The following TBC1D32 variants were observed in gnomAD, a reference collection of about 807,000 sequenced individuals.
TBC1D32 encodes TBC1 domain family member 32.
Under a neutral mutation model 170.3 loss-of-function variants are expected in TBC1D32, and 151 were observed. The ratio of observed to expected loss-of-function variants is 0.89; its 90% confidence interval spans 0.78 to 1.01. The LOEUF (loss-of-function observed/expected upper bound fraction) is 1.01, where lower values mean the gene tolerates loss of function less well. Ranked by LOEUF, TBC1D32 falls within the 50% of genes least tolerant of loss-of-function variation. The pLI is 0.00. For synonymous variants in TBC1D32, 498 were observed against 488.0 expected (o/e 1.02, Z -0.27); for missense variants, 1,464 against 1,457.1 (o/e 1.00, Z -0.08).
chr6:121,272,437 A>G (rs1236064908), intron 15 of TBC1D32, among the ~76,000 whole-genome samples: 2 of 152,210 alleles, frequency 1.3e-5, no homozygotes, highest in African/African-American at 4.8e-5. Context: ...CCCCATCAAA[A>G]AGAGGGCAAA....
intron 9 of TBC1D32, among the ~76,000 whole-genome samples, chr6:121,301,015 G>T (rs1806385397): frequency 6.6e-6 from 1 of 152,142 alleles, no homozygotes; most frequent in Non-Finnish European, 1.5e-5. Flanking sequence ...AGTTAGAATG[G>T]TGATCATTAA....
intron 17 of TBC1D32, among the ~76,000 whole-genome samples, chr6:121,249,260 C>G (rs1486907166): frequency 6.6e-6 from 1 of 151,530 alleles, no homozygotes; most frequent in Admixed American, 6.6e-5. Context: ...GTGATAAAAT[C>G]TAGCACCCCT....
chr6:121,088,310 A>G (rs760578690), intron 31 of TBC1D32, among the ~76,000 whole-genome samples: 1 of 152,152 alleles, frequency 6.6e-6, no homozygotes, highest in Admixed American at 6.5e-5. Flanking sequence ...TGAGATTTTG[A>G]ATAGGAAAGT....
intron 15 of TBC1D32, among the ~76,000 whole-genome samples, chr6:121,277,973 T>C (rs1237256931): frequency 2.0e-5 from 3 of 151,914 alleles, no homozygotes; most frequent in Non-Finnish European, 4.4e-5. Context: ...TAAGGAAATA[T>C]TATGAACAAT....
At chr6:121,328,314 C>A (rs999750202) in intron 1 of TBC1D32, among the ~76,000 whole-genome samples, 3 of 151,694 alleles carry the variant, frequency 2.0e-5, no homozygotes, top group African/African-American at 7.3e-5. Flanking sequence ...GTGACGGAGT[C>A]TCGCTCTGTC....
chr6:121,302,944 C>T (rs2128477459), intron 9 of TBC1D32, among the ~76,000 whole-genome samples: 1 of 152,196 alleles, frequency 6.6e-6, no homozygotes, highest in South Asian at 2.1e-4. Flanking sequence ...ATGCCCCAAC[C>T]CCTCTCTTCT....
chr6:121,303,605 AT>A lies in TBC1D32; in HGVS notation c.1080+11del. The A allele has an allele frequency of 2.0e-6, 3 of 1,525,760 alleles. No homozygotes were observed. Among genetic ancestry groups the A allele is most frequent in the Non-Finnish European group, 2.7e-6 (3 of 1,126,480 alleles). 94.5% of individuals were successfully genotyped at this position (1,525,760 alleles called of 1,614,324 possible). Reference sequence around the variant, plus strand: ...GCACTAAAAGGTATAAAAATATTCTATTTTTCCTTACCATCCACTTTTTGAA... The same window carrying A: ...GCACTAAAAGGTATAAAAATATTCTATTTTCCTTACCATCCACTTTTTGAA... On this transcript the variant is annotated intron_variant, in intron 9 of 31. Transcript: ENST00000398212.
Position 121,161,005 on chromosome 6 carries a change from T to C in TBC1D32, c.2622A>G (p.Arg874=). 6.2e-7 allele frequency: 1 copy of C among 1,613,876 alleles called. No individual in the cohort carries two copies. The highest frequency in any genetic ancestry group is 8.5e-7 in the Non-Finnish European group (1 of 1,179,950). ...CCAATGGCCCACCAACAAGATTTAT[T>C]CTAACAAGAACATGATTTCTCTCCA... ...LSVERNHVLV[R]INLVGGPLER... Residue 874 remains arginine (R), a synonymous_variant, in exon 23 of 32, where the codon AGA becomes AGG. Transcript: ENST00000398212.
At chr6:121,271,332 T>C (rs1938707404) in intron 15 of TBC1D32, among the ~76,000 whole-genome samples, 2 of 152,178 alleles carry the variant, frequency 1.3e-5, no homozygotes, top group South Asian at 4.1e-4. Flanking sequence ...TGTCCCTGTT[T>C]GCAGATGACA....
At chr6:121,173,105 A>G (rs557021860) in intron 22 of TBC1D32, among the ~76,000 whole-genome samples, 2 of 152,182 alleles carry the variant, frequency 1.3e-5, no homozygotes, top group Non-Finnish European at 2.9e-5. Flanking sequence ...TAGGAAAGGC[A>G]GATCCACCCT....
chr6:121,315,002 C>T (rs888225289), intron 3 of TBC1D32, among the ~76,000 whole-genome samples: 1 of 152,190 alleles, frequency 6.6e-6, no homozygotes, highest in African/African-American at 2.4e-5. Flanking sequence ...GTATTTTCAT[C>T]CCCATTTACA....
At chr6:121,246,883 T>G (rs755338936) in intron 17 of TBC1D32, among the ~76,000 whole-genome samples, 1 of 151,948 alleles carries the variant, frequency 6.6e-6, no homozygotes, top group Non-Finnish European at 1.5e-5. Flanking sequence ...GCCAAACCTA[T>G]GAATAACTGG....
At chr6:121,122,421 T>C (rs1780362013) in intron 26 of TBC1D32, among the ~76,000 whole-genome samples, 1 of 151,980 alleles carries the variant, frequency 6.6e-6, no homozygotes, top group Admixed American at 6.6e-5. Flanking sequence ...CTCTCCTATC[T>C]GACTTTTAAC....
At chr6:121,085,296 CAT>C (rs1278951623) in intron 31 of TBC1D32, among the ~76,000 whole-genome samples, 7 of 140,762 alleles carry the variant, frequency 5.0e-5, no homozygotes, top group African/African-American at 1.4e-4. Flanking sequence ...TACATATATA[CAT>C]ACATATATAT....
intron 15 of TBC1D32, among the ~76,000 whole-genome samples, chr6:121,268,976 G>T (rs563126064): frequency 1.3e-5 from 2 of 152,262 alleles, no homozygotes; most frequent in South Asian, 2.1e-4. Context: ...TTGAAGAAAA[G>T]AATTTTCAAC....
At chr6:121,327,278 A>T (rs1189128606) in intron 1 of TBC1D32, among the ~76,000 whole-genome samples, 2 of 152,228 alleles carry the variant, frequency 1.3e-5, no homozygotes, top group Non-Finnish European at 2.9e-5. Context: ...AATCTAAAAA[A>T]GGAAAATTAT....
intron 15 of TBC1D32, among the ~76,000 whole-genome samples, chr6:121,260,748 T>C (rs1263363903): frequency 6.6e-6 from 1 of 152,208 alleles, no homozygotes; most frequent in Non-Finnish European, 1.5e-5. Flanking sequence ...GGAATCATCC[T>C]AGGCCTGCCA....
In TBC1D32 at chr6:121,242,345, A is replaced by G; in HGVS notation, c.2019-6T>C. On this transcript the variant is annotated splice_region_variant and splice_polypyrimidine_tract_variant and intron_variant, in intron 17 of 31. Coordinates refer to ENST00000398212, the MANE Select transcript of TBC1D32 (RefSeq NM_152730.6). Reference sequence around the variant, plus strand: ...AATTATCTTCCCAAGCCATACTGAAATAGGTAAAAGAAAGGTAGAGCTTTC... The same window carrying G: ...AATTATCTTCCCAAGCCATACTGAAGTAGGTAAAAGAAAGGTAGAGCTTTC... The G allele has an allele frequency of 6.2e-7, 1 of 1,611,132 alleles. No individual in the cohort carries two copies. The highest frequency in any genetic ancestry group is 8.5e-7 in the Non-Finnish European group (1 of 1,178,950).
chr6:121,268,330 T>A (rs1397836508), intron 15 of TBC1D32, among the ~76,000 whole-genome samples: 1 of 152,128 alleles, frequency 6.6e-6, no homozygotes, highest in Non-Finnish European at 1.5e-5. Context: ...AAGGAGGATG[T>A]TCAAACCCAT....
Sources: gnomAD v4.1 joint callset for allele counts (sites outside exome capture counted in the v4.1 genomes callset) on GRCh38, gnomAD v4.1.1 for gene constraint, MANE v1.5 for transcripts, NCBI Gene and HGNC (gene_info 2026-07-23, HGNC 2026-07-21) for gene names.